The following TYR variants were observed in gnomAD, a reference collection of about 807,000 sequenced individuals.
TYR encodes the protein tyrosinase, also known as LB24-AB.
A neutral mutation model predicts 51.5 loss-of-function variants in TYR; 58 were observed. The observed-to-expected ratio is 1.13, with a 90% CI of 0.91 to 1.40. TYR has a LOEUF of 1.40. Among genes scored for constraint, TYR ranks in the 40% most tolerant of loss-of-function variants. TYR has a pLI of 0.00. For synonymous variants in TYR, 263 were observed against 235.2 expected (o/e 1.12, Z -1.08); for missense variants, 732 against 647.4 (o/e 1.13, Z -1.42).
At chr11:89,198,172 T>A (rs1022514062) in intron 2 of TYR, among the ~76,000 whole-genome samples, 1 of 152,022 alleles carries the variant, frequency 6.6e-6, no homozygotes, top group African/African-American at 2.4e-5. Context: ...GGTAATCTAG[T>A]TTTCAGTCTT....
At chr11:89,236,199 C>T (rs1944110526) in intron 3 of TYR, among the ~76,000 whole-genome samples, 1 of 150,960 alleles carries the variant, frequency 6.6e-6, no homozygotes, top group Non-Finnish European at 1.5e-5. Flanking sequence ...GGGATCCCTG[C>T]CAAACCACAA....
chr11:89,243,144 T>G (rs1226036331), intron 3 of TYR, among the ~76,000 whole-genome samples: 1 of 152,236 alleles, frequency 6.6e-6, no homozygotes, highest in Non-Finnish European at 1.5e-5. Flanking sequence ...AGAGCGGGCA[T>G]GGCAAAGGAA....
chr11:89,191,069 T>C, intron 1 of TYR, 133 bp from the exon 2 acceptor site: 1 of 782,574 alleles, frequency 1.3e-6, no homozygotes, highest in Non-Finnish European at 2.2e-6. Flanking sequence ...ATCCCTGTCA[T>C]TAAAGACACA....
At chr11:89,274,488 G>A (rs1349388799) in intron 3 of TYR, among the ~76,000 whole-genome samples, 1 of 151,830 alleles carries the variant, frequency 6.6e-6, no homozygotes, top group Non-Finnish European at 1.5e-5. Flanking sequence ...CTCTGTGCAA[G>A]TATAATGGCC....
At chr11:89,254,324 C>T (rs551062019) in intron 3 of TYR, among the ~76,000 whole-genome samples, 5 of 151,482 alleles carry the variant, frequency 3.3e-5, no homozygotes, top group Middle Eastern at 6.8e-3. Flanking sequence ...TTTTGGTGTT[C>T]GGGTGATACT....
At chr11:89,219,145 C>T (rs974190567) in intron 2 of TYR, among the ~76,000 whole-genome samples, 3 of 152,132 alleles carry the variant, frequency 2.0e-5, no homozygotes, top group Non-Finnish European at 2.9e-5. Context: ...CTGATGCACA[C>T]ACTGTAATTT....
chr11:89,230,930 T>C (rs983173144), intron 3 of TYR, among the ~76,000 whole-genome samples: 1 of 150,674 alleles, frequency 6.6e-6, no homozygotes, highest in African/African-American at 2.4e-5. Flanking sequence ...AGAGGGACTT[T>C]AGGAAGCCAA....
chr11:89,278,982 A>T (rs1303946390), intron 3 of TYR, among the ~76,000 whole-genome samples: 1 of 151,554 alleles, frequency 6.6e-6, no homozygotes, highest in African/African-American at 2.4e-5. Context: ...TTTTTTTCTC[A>T]TGATTAAACT....
At chr11:89,264,375 CT>C (rs923976292) in intron 3 of TYR, among the ~76,000 whole-genome samples, 11 of 148,240 alleles carry the variant, frequency 7.4e-5, no homozygotes, top group Non-Finnish European at 9.0e-5. Flanking sequence ...TGACAGTATT[CT>C]TTTTTTTTTA....
At chr11:89,183,325 C>T (rs114236412) in intron 1 of TYR, among the ~76,000 whole-genome samples, 3,674 of 152,072 alleles carry the variant, frequency 0.024, 124 homozygotes, top group African/African-American at 0.078. Context: ...AAAACAGAGT[C>T]ATCATCAGAA....
intron 3 of TYR, among the ~76,000 whole-genome samples, chr11:89,242,230 T>C (rs564355302): frequency 3.1e-4 from 47 of 152,234 alleles, no homozygotes; most frequent in African/African-American, 1.0e-3. Flanking sequence ...TTTTTTGAGA[T>C]GGGGTCTTTC....
At chr11:89,224,929 A>AATT (rs568553529) in intron 2 of TYR, among the ~76,000 whole-genome samples, 11 of 149,930 alleles carry the variant, frequency 7.3e-5, no homozygotes, top group African/African-American at 2.4e-4. Flanking sequence ...TGTAAAAACT[A>AATT]TTTTTTTTTT....
intron 3 of TYR, among the ~76,000 whole-genome samples, chr11:89,257,618 C>G (rs11828655): frequency 6.6e-6 from 1 of 151,972 alleles, no homozygotes; most frequent in African/African-American, 2.4e-5. Context: ...TGTATACACA[C>G]AGACAGACAC....
intron 3 of TYR, among the ~76,000 whole-genome samples, chr11:89,241,037 C>T (rs551067052): frequency 6.6e-6 from 1 of 152,226 alleles, no homozygotes; most frequent in South Asian, 2.1e-4. Context: ...TATTCTGTTT[C>T]TACACAAACA....
At chr11:89,257,469 A>G (rs1944407244) in intron 3 of TYR, among the ~76,000 whole-genome samples, 1 of 151,922 alleles carries the variant, frequency 6.6e-6, no homozygotes, top group South Asian at 2.1e-4. Context: ...TCTCTGGGAG[A>G]TGTTATATAA....
At chr11:89,283,558 T>C (rs1944744111) in intron 3 of TYR, among the ~76,000 whole-genome samples, 1 of 151,776 alleles carries the variant, frequency 6.6e-6, no homozygotes, top group South Asian at 2.1e-4. Context: ...ACAGATATTA[T>C]TACTCTTATT....
intron 3 of TYR, among the ~76,000 whole-genome samples, chr11:89,264,995 C>G (rs1944509630): frequency 6.6e-6 from 1 of 152,004 alleles, no homozygotes; most frequent in Non-Finnish European, 1.5e-5. Flanking sequence ...TTCTTTTAAG[C>G]TTTATTGACA....
rs773792557 is a variant in TYR, at chr11:89,295,297, T to G, written c.1521T>G (p.Leu507=). 6.2e-7 allele frequency: 1 copy of G among 1,613,560 alleles called. No individual in the cohort carries two copies. Among genetic ancestry groups the G allele is most frequent in the South Asian group, 1.1e-5 (1 of 91,066 alleles). Residue 507 remains leucine (L), a synonymous_variant, in exon 5 of 5, where the codon CTT becomes CTG. Coordinates refer to ENST00000263321, the MANE Select transcript of TYR (RefSeq NM_000372.5). ...TGTGTCGTCACAAGAGAAAGCAGCTTCCTGAAGAAAAGCAGCCACTCCTCA... is the reference window on the plus strand; with the variant it reads ...TGTGTCGTCACAAGAGAAAGCAGCTGCCTGAAGAAAAGCAGCCACTCCTCA... The part of the protein sequence containing the change: ...SLLCRHKRKQ[L]PEEKQPLLME...
chr11:89,238,788 T>C (rs543295665), intron 3 of TYR, among the ~76,000 whole-genome samples: 20 of 152,174 alleles, frequency 1.3e-4, no homozygotes, highest in Admixed American at 3.9e-4. Context: ...TTTGAGAGTA[T>C]TATCACAAAA....
Sources: allele counts gnomAD v4.1 joint callset (sites outside exome capture counted in the v4.1 genomes callset), GRCh38; gene constraint gnomAD v4.1.1; transcripts MANE v1.5; gene names NCBI Gene and HGNC (gene_info 2026-07-23, HGNC 2026-07-21).